Variants in GRM7 observed in about 807,000 individuals in gnomAD.
GRM7 encodes glutamate metabotropic receptor 7.
GRM7 carries 35 observed loss-of-function variants against 84.5 expected under a neutral mutation model. That is an observed-to-expected ratio of 0.41 (90% CI 0.32 to 0.55). The LOEUF (loss-of-function observed/expected upper bound fraction) is 0.55, where lower values mean the gene tolerates loss of function less well. Among genes scored for constraint, GRM7 ranks in the 20% least tolerant of loss-of-function variants. The pLI, the probability that GRM7 is intolerant of heterozygous loss-of-function variation, is 0.19. For synonymous variants in GRM7, 487 were observed against 455.1 expected (o/e 1.07, Z -0.89); for missense variants, 1,003 against 1,194.6 (o/e 0.84, Z 2.36).
chr3:7,378,267 C>A (rs566601231), intron 4 of GRM7, among the ~76,000 whole-genome samples: 1 of 152,080 alleles, frequency 6.6e-6, no homozygotes, highest in Non-Finnish European at 1.5e-5. Context: ...TTTGGTACCA[C>A]ATGAGGTCTG....
chr3:6,923,854 A>G (rs1697211689), intron 1 of GRM7, among the ~76,000 whole-genome samples: 1 of 152,124 alleles, frequency 6.6e-6, no homozygotes, highest in African/African-American at 2.4e-5. Context: ...AACACATATC[A>G]TGTCTTTGAG....
At chr3:7,623,601 G>C (rs1322177724) in intron 8 of GRM7, among the ~76,000 whole-genome samples, 6 of 152,062 alleles carry the variant, frequency 3.9e-5, no homozygotes, top group African/African-American at 1.4e-4. Flanking sequence ...AGCTCAACCT[G>C]CCCACTTGGC....
At chr3:6,900,857 G>A (rs889045407) in intron 1 of GRM7, among the ~76,000 whole-genome samples, 4 of 152,146 alleles carry the variant, frequency 2.6e-5, no homozygotes, top group African/African-American at 9.7e-5. Flanking sequence ...CCACGACCTA[G>A]CCCTGCAAGC....
chr3:7,702,589 A>G (rs1414049892), intron 9 of GRM7, among the ~76,000 whole-genome samples: 1 of 152,232 alleles, frequency 6.6e-6, no homozygotes, highest in Non-Finnish European at 1.5e-5. Flanking sequence ...TGTCTTAGAA[A>G]ACAAAATATA....
rs189377870 is a variant in GRM7, at chr3:6,906,680, A to G, written c.519+44773A>G. Among the ~76,000 whole-genome samples the G allele has an allele frequency of 4.6e-5, 7 of 152,300 alleles. No homozygotes were observed. The South Asian group carries it at 1.2e-3, about 27-fold the overall frequency. ...GATCTCCCAGCTGCCTCTTGAACCC[A>G]TATATGCATGAAGCATTTTCAAGGA... On this transcript the variant is annotated intron_variant, in intron 1 of 9. Transcript: ENST00000357716.
At position 7,329,818 on chromosome 3, in the gene GRM7, A is replaced by G. The variant is rs1701130329; in HGVS notation, c.1033+23166A>G. Among the ~76,000 whole-genome samples the G allele has an allele frequency of 2.0e-5, 3 of 152,134 alleles. No individual in the cohort carries two copies. The East Asian group carries it at 5.8e-4, about 29-fold the overall frequency. ...TATGCATGGATGTATGTATACTTAGATATGCATAACATATATGCATCTATT... is the reference window on the plus strand; with the variant it reads ...TATGCATGGATGTATGTATACTTAGGTATGCATAACATATATGCATCTATT... On this transcript the variant is annotated intron_variant, in intron 4 of 9. Coordinates refer to ENST00000357716, the MANE Select transcript of GRM7 (RefSeq NM_000844.4).
chr3:6,947,479 A>C (rs1015087276), intron 1 of GRM7, among the ~76,000 whole-genome samples: 1 of 152,174 alleles, frequency 6.6e-6, no homozygotes, highest in African/African-American at 2.4e-5. Flanking sequence ...GGATTTTTGC[A>C]TCAATGTTCG....
At chr3:7,261,380 T>C (rs1698416366) in intron 2 of GRM7, among the ~76,000 whole-genome samples, 2 of 152,210 alleles carry the variant, frequency 1.3e-5, no homozygotes, top group South Asian at 2.1e-4. Flanking sequence ...GAGTGGTTTG[T>C]TTAAAGTCTG....
chr3:7,127,056 C>A (rs1693426587), intron 1 of GRM7, among the ~76,000 whole-genome samples: 1 of 152,174 alleles, frequency 6.6e-6, no homozygotes, highest in African/African-American at 2.4e-5. Context: ...GAAAACATCC[C>A]CAAACTGGAA....
intron 2 of GRM7, among the ~76,000 whole-genome samples, chr3:7,250,703 T>A (rs1434248140): frequency 6.6e-6 from 1 of 152,098 alleles, no homozygotes; most frequent in Non-Finnish European, 1.5e-5. Context: ...TTTGTATTTT[T>A]AGTAGAGACG....
chr3:7,280,308 G>C (rs1410359908), intron 2 of GRM7, among the ~76,000 whole-genome samples: 2 of 152,178 alleles, frequency 1.3e-5, no homozygotes, highest in African/African-American at 4.8e-5. Flanking sequence ...ATTACTTCTT[G>C]TCATACTTTT....
At chr3:7,568,672 G>A (rs566745622) in intron 7 of GRM7, among the ~76,000 whole-genome samples, 41 of 152,248 alleles carry the variant, frequency 2.7e-4, no homozygotes, top group African/African-American at 8.9e-4. Flanking sequence ...GTGTGGGCTC[G>A]GCGGCCCAGC....
At chr3:7,058,694 G>A (rs1220767971) in intron 1 of GRM7, among the ~76,000 whole-genome samples, 1 of 151,892 alleles carries the variant, frequency 6.6e-6, no homozygotes, top group Non-Finnish European at 1.5e-5. Flanking sequence ...CTCGCCAGCT[G>A]TTTTGCAAGA....
At chr3:7,496,237 G>A (rs1240369231) in intron 7 of GRM7, among the ~76,000 whole-genome samples, 2 of 152,128 alleles carry the variant, frequency 1.3e-5, no homozygotes, top group African/African-American at 4.8e-5. Flanking sequence ...TCTACCTAGT[G>A]AAGAAACCCA....
intron 1 of GRM7, among the ~76,000 whole-genome samples, chr3:6,959,805 G>T (rs1693219948): frequency 6.6e-6 from 1 of 152,116 alleles, no homozygotes; most frequent in Non-Finnish European, 1.5e-5. Context: ...AATGCTCATT[G>T]TCCGTATGGT....
chr3:6,994,776 T>G (rs576455389), intron 1 of GRM7, among the ~76,000 whole-genome samples: 1 of 152,226 alleles, frequency 6.6e-6, no homozygotes, highest in African/African-American at 2.4e-5. Context: ...CCTGACCATA[T>G]AGTAGGTGCT....
Position 7,617,123 on chromosome 3 carries a change from T to TTG in GRM7, c.2451+37777_2451+37778dup, listed in dbSNP as rs1025507102. ...CATTTATGCTGGAGGTTGCAATTCTTTGTGTGTGTGTGAAAAATCAGACCT... is the reference window on the plus strand; with the variant it reads ...CATTTATGCTGGAGGTTGCAATTCTTTGTGTGTGTGTGTGAAAAATCAGACCT... On this transcript the variant is annotated intron_variant, in intron 8 of 9. Coordinates refer to ENST00000357716, the MANE Select transcript of GRM7 (RefSeq NM_000844.4). Among the ~76,000 whole-genome samples the TTG allele has an allele frequency of 3.3e-5, 5 of 151,982 alleles. No homozygotes were observed. The South Asian group carries it at 6.2e-4, about 19-fold the overall frequency.
At chr3:7,541,588 C>T (rs1559390549) in intron 7 of GRM7, among the ~76,000 whole-genome samples, 1 of 152,110 alleles carries the variant, frequency 6.6e-6, no homozygotes, top group Non-Finnish European at 1.5e-5. Flanking sequence ...ATGTGTTTTC[C>T]ACTGTCTTCT....
At chr3:7,674,070 A>G (rs1015065987) in intron 8 of GRM7, among the ~76,000 whole-genome samples, 3 of 152,216 alleles carry the variant, frequency 2.0e-5, no homozygotes, top group African/African-American at 7.2e-5. Flanking sequence ...AGCATCAAAT[A>G]TAACAATAGT....
Sources: allele counts gnomAD v4.1 joint callset (sites outside exome capture counted in the v4.1 genomes callset), GRCh38; gene constraint gnomAD v4.1.1; transcripts MANE v1.5; gene names NCBI Gene and HGNC (gene_info 2026-07-23, HGNC 2026-07-21).